The following BCL2L1 variants were observed in gnomAD, a reference collection of about 807,000 sequenced individuals.
BCL2L1 encodes the protein BCL2 like 1.
In BCL2L1, 1 loss-of-function variant was observed where a neutral mutation model predicts 18.7. The observed-to-expected ratio is 0.05, with a 90% CI of 0.02 to 0.25. BCL2L1 has a LOEUF of 0.25. Among genes scored for constraint, BCL2L1 ranks in the 10% least tolerant of loss-of-function variants. The pLI is 1.00. For missense variants in BCL2L1, 207 were observed against 304.9 expected (o/e 0.68, Z 2.39); for synonymous variants, 103 against 122.7 (o/e 0.84, Z 1.06).
intron 2 of BCL2L1, among the ~76,000 whole-genome samples, chr20:31,669,326 T>C (rs1335196131): frequency 6.6e-6 from 1 of 151,946 alleles, no homozygotes; most frequent in East Asian, 1.9e-4. Context: ...TCCCAAGTGC[T>C]GAGATTACAG....
At chr20:31,720,740 A>G in intron 2 of BCL2L1, 1 of 984,816 alleles carries the variant, frequency 1.0e-6, no homozygotes, top group Non-Finnish European at 1.2e-6. Flanking sequence ...AAGGTCACAC[A>G]GCTAGTTACA....
chr20:31,680,128 T>C (rs555763348), intron 2 of BCL2L1, among the ~76,000 whole-genome samples: 1 of 152,298 alleles, frequency 6.6e-6, no homozygotes, highest in Non-Finnish European at 1.5e-5. Flanking sequence ...TGCAAGTAGG[T>C]GCTGTTCCCA....
intron 2 of BCL2L1, among the ~76,000 whole-genome samples, chr20:31,700,196 G>A (rs2061253040): frequency 6.6e-6 from 1 of 152,152 alleles, no homozygotes; most frequent in South Asian, 2.1e-4. Flanking sequence ...CACAGGGCCT[G>A]GCACATAGTT....
chr20:31,707,778 C>CAAAAAAAAAAAAAAAAAAA (rs553742099), intron 2 of BCL2L1, among the ~76,000 whole-genome samples: 1 of 60,888 alleles, frequency 1.6e-5, no homozygotes, highest in African/African-American at 6.1e-5. Flanking sequence ...AACTCTGTCT[C>CAAAAAAAAAAAAAAAAAAA]AAAAAAAAAA....
At chr20:31,710,918 A>G (rs1465018499) in intron 2 of BCL2L1, among the ~76,000 whole-genome samples, 1 of 152,228 alleles carries the variant, frequency 6.6e-6, no homozygotes, top group African/African-American at 2.4e-5. Context: ...GCCCTGAGCC[A>G]GGTAGTCAGG....
chr20:31,708,184 G>A (rs372596101), intron 2 of BCL2L1, among the ~76,000 whole-genome samples: 23 of 152,360 alleles, frequency 1.5e-4, no homozygotes, highest in African/African-American at 5.5e-4. Context: ...AAGGGAAGAA[G>A]TTTGTGACTT....
chr20:31,697,892 G>GTTTTTTTTTTTTGTTTTTTTTTTTT (rs1555871507), intron 2 of BCL2L1, among the ~76,000 whole-genome samples: 1 of 129,640 alleles, frequency 7.7e-6, no homozygotes, highest in African/African-American at 3.3e-5. Context: ...TGCTGTTGCT[G>GTTTTTTTTTTTTGTTTTTTTTTTTT]TTTTTTTTTT....
intron 2 of BCL2L1, among the ~76,000 whole-genome samples, chr20:31,682,038 C>T (rs1296061272): frequency 6.6e-6 from 1 of 152,148 alleles, no homozygotes; most frequent in Non-Finnish European, 1.5e-5. Context: ...CCAGTGGGAG[C>T]GGGGGTCAGG....
chr20:31,680,135 C>A lies in BCL2L1; in HGVS notation c.565-14049G>T, dbSNP rs144997382. Among the ~76,000 whole-genome samples the A allele has an allele frequency of 1.6e-4, 25 of 152,276 alleles. No homozygotes were observed. The East Asian group carries it at 2.9e-3, about 18-fold the overall frequency. Reference sequence around the variant, plus strand: ...CAAAATCTTGCAAGTAGGTGCTGTTCCCATTTTACCAATGAGGAAACTAAA... The same window carrying A: ...CAAAATCTTGCAAGTAGGTGCTGTTACCATTTTACCAATGAGGAAACTAAA... On this transcript the variant is annotated intron_variant, in intron 2 of 2. Coordinates refer to ENST00000307677, the MANE Select transcript of BCL2L1 (RefSeq NM_138578.3).
intron 2 of BCL2L1, among the ~76,000 whole-genome samples, chr20:31,706,371 A>T (rs1277004813): frequency 6.6e-6 from 1 of 152,230 alleles, no homozygotes; most frequent in Non-Finnish European, 1.5e-5. Flanking sequence ...CTCAAGCCTC[A>T]TAGAGAAAAG....
In BCL2L1 at chr20:31,665,133, C is replaced by A. The variant is rs757916272; in HGVS notation, c.*816G>T. On this transcript the variant is annotated 3_prime_UTR_variant, in exon 3 of 3. Coordinates refer to ENST00000307677, the MANE Select transcript of BCL2L1 (RefSeq NM_138578.3). ...CAGGCTGCTCTTGTAGGAAGTGAGG[C>A]AGCTGAGGCCATAAACAGCTCTGGG... 1 of 179,232 alleles carries A rather than the reference C, an allele frequency of 5.6e-6. No individual in the cohort carries two copies. The highest frequency in any genetic ancestry group is 1.2e-5 in the Non-Finnish European group (1 of 83,292). The allele number at this position is 179,232 out of a possible 1,614,324, so 11.1% of individuals were successfully genotyped here.
intron 2 of BCL2L1, among the ~76,000 whole-genome samples, chr20:31,714,031 G>T (rs1008953647): frequency 6.6e-6 from 1 of 152,188 alleles, no homozygotes; most frequent in Non-Finnish European, 1.5e-5. Flanking sequence ...AAGCTGTAAG[G>T]TGTTACATAA....
intron 2 of BCL2L1, among the ~76,000 whole-genome samples, chr20:31,701,263 A>T (rs1360760087): frequency 6.6e-6 from 1 of 152,174 alleles, no homozygotes; most frequent in Non-Finnish European, 1.5e-5. Flanking sequence ...CATGTTGGCC[A>T]AGACGGTCTT....
chr20:31,665,465 G>A lies in BCL2L1; in HGVS notation c.*484C>T, dbSNP rs1264078411. 6.3e-6 allele frequency: 1 copy of A among 158,866 alleles called. No homozygotes were observed. The highest frequency in any genetic ancestry group is 1.4e-5 in the Non-Finnish European group (1 of 72,178). The allele number at this position is 158,866 out of a possible 1,614,324, so 9.8% of individuals were successfully genotyped here. Reference sequence around the variant, plus strand: ...CCCTAAATGGCTCTTAGGGGGTAGGGATGGAAGGAAAGGGAACCCAGGTTA... The same window carrying A: ...CCCTAAATGGCTCTTAGGGGGTAGGAATGGAAGGAAAGGGAACCCAGGTTA... On this transcript the variant is annotated 3_prime_UTR_variant, in exon 3 of 3. Transcript: ENST00000307677.
chr20:31,675,312 G>A (rs1009414747), intron 2 of BCL2L1, among the ~76,000 whole-genome samples: 1 of 152,206 alleles, frequency 6.6e-6, no homozygotes, highest in Non-Finnish European at 1.5e-5. Context: ...CCCTGCATTG[G>A]CAGGCTGTGA....
At chr20:31,700,988 G>A (rs1345400662) in intron 2 of BCL2L1, among the ~76,000 whole-genome samples, 1 of 152,186 alleles carries the variant, frequency 6.6e-6, no homozygotes, top group African/African-American at 2.4e-5. Flanking sequence ...TGATGAGGCA[G>A]GAAGGGAGCC....
intron 2 of BCL2L1, chr20:31,713,250 G>A (rs1364567231): frequency 7.1e-6 from 7 of 984,050 alleles, no homozygotes; most frequent in African/African-American, 1.7e-5. Context: ...TAATGGCCTG[G>A]CAGAACCAAG....
At chr20:31,673,264 G>C (rs2060702014) in intron 2 of BCL2L1, among the ~76,000 whole-genome samples, 1 of 151,658 alleles carries the variant, frequency 6.6e-6, no homozygotes, top group Non-Finnish European at 1.5e-5. Flanking sequence ...AGTAGAGGTG[G>C]GGTTCCACTA....
chr20:31,681,645 C>CAATG (rs1312519633), intron 2 of BCL2L1, among the ~76,000 whole-genome samples: 1 of 152,122 alleles, frequency 6.6e-6, no homozygotes, highest in Non-Finnish European at 1.5e-5. Flanking sequence ...TGTTCTTAAT[C>CAATG]AATCAATCAA....
Sources: gnomAD v4.1 joint callset for allele counts (sites outside exome capture counted in the v4.1 genomes callset) on GRCh38, gnomAD v4.1.1 for gene constraint, MANE v1.5 for transcripts, NCBI Gene and HGNC (gene_info 2026-07-23, HGNC 2026-07-21) for gene names.